Variants in GRIK1 observed in about 807,000 individuals in gnomAD.
The protein encoded by GRIK1 is glutamate receptor ionotropic, kainate 1.
GRIK1 carries 69 observed loss-of-function variants against 105.7 expected under a neutral mutation model. The ratio of observed to expected loss-of-function variants is 0.65; its 90% CI spans 0.54 to 0.80. The LOEUF (loss-of-function observed/expected upper bound fraction) is 0.80. Ranked by LOEUF, GRIK1 falls within the 30% of genes least tolerant of loss-of-function variation. GRIK1 has a pLI of 0.00. For synonymous variants in GRIK1, 438 were observed against 431.3 expected, an observed-to-expected ratio of 1.02 and a Z score of -0.19; for missense variants, 1,109 against 1,167.3, an observed-to-expected ratio of 0.95 and a Z score of 0.73.
chr21:29,770,785 T>C (rs905656855), intron 1 of GRIK1, among the ~76,000 whole-genome samples: 3 of 152,220 alleles, frequency 2.0e-5, no homozygotes, highest in African/African-American at 7.2e-5. Flanking sequence ...AAAACGCTGG[T>C]CTCAAAATGC....
At chr21:29,575,665 C>G (rs150774951) in intron 14 of GRIK1, among the ~76,000 whole-genome samples, 7,713 of 152,054 alleles carry the variant, frequency 0.051, 241 homozygotes, top group Admixed American at 0.12. Context: ...AACCCTGTCT[C>G]TACTAAAAAT....
chr21:29,772,680 C>T (rs1296542481), intron 1 of GRIK1, among the ~76,000 whole-genome samples: 3 of 151,962 alleles, frequency 2.0e-5, no homozygotes, highest in Admixed American at 6.5e-5. Context: ...TGTAAATTTG[C>T]GTATGTGAAA....
chr21:29,613,487 C>T (rs1779188966), intron 7 of GRIK1, among the ~76,000 whole-genome samples: 1 of 152,190 alleles, frequency 6.6e-6, no homozygotes, highest in South Asian at 2.1e-4. Flanking sequence ...AGATCTTTGT[C>T]TGATACTCAT....
chr21:29,772,824 C>T (rs751581112), intron 1 of GRIK1, among the ~76,000 whole-genome samples: 151 of 152,174 alleles, frequency 9.9e-4, no homozygotes, highest in Non-Finnish European at 1.8e-3. Context: ...GGGTTAATTA[C>T]GCATATGATA....
At chr21:29,793,368 C>G (rs775350004) in intron 1 of GRIK1, among the ~76,000 whole-genome samples, 4 of 152,162 alleles carry the variant, frequency 2.6e-5, no homozygotes, top group Non-Finnish European at 5.9e-5. Context: ...CCCCAAGTCC[C>G]ATAGTGCCTA....
intron 1 of GRIK1, among the ~76,000 whole-genome samples, chr21:29,722,808 C>T (rs1292133799): frequency 6.6e-6 from 1 of 151,944 alleles, no homozygotes; most frequent in Non-Finnish European, 1.5e-5. Context: ...ACGCTACAAC[C>T]ACATAAGAAG....
rs74539455 is a variant in GRIK1, at chr21:29,693,405, T to A, written c.286+491A>T. Among the ~76,000 whole-genome samples, 1,317 of 152,302 alleles carry A rather than the reference T, an allele frequency of 8.6e-3. 19 individuals are homozygous for A. The highest frequency in any genetic ancestry group is 0.031 in the African/African-American group (1,268 of 41,560). On this transcript the variant is annotated intron_variant, in intron 2 of 17. Transcript: ENST00000327783. ...GTAGACATTGCTCTCACAGGTTTAA[T>A]CTTCATATTTCTATGATTTTGTGGA...
chr21:29,742,313 A>G lies in GRIK1; in HGVS notation c.119-48250T>C, dbSNP rs966350777. Among the ~76,000 whole-genome samples the G allele has an allele frequency of 2.6e-5, 4 of 152,322 alleles. No individual in the cohort carries two copies. In the East Asian group the frequency reaches 7.7e-4, roughly 29 times the overall value. ...TCATGTTTTTATTAGAAATACATTA[A>G]ATGCAAAATTAAGTAGAAAGAGAGA... is the stretch of plus-strand genomic sequence containing the variant. On this transcript the variant is annotated intron_variant, in intron 1 of 17. Transcript: ENST00000327783.
rs1181792885 is a variant in GRIK1, at chr21:29,560,422, TTTC to T, written c.2356+1199_2356+1201del. 6.9e-5 allele frequency among the ~76,000 whole-genome samples: 9 copies of T among 130,684 alleles called. 1 individual carries two copies. Among genetic ancestry groups the T allele is most frequent in the African/African-American group, 3.0e-4 (9 of 30,470 alleles). 85.7% of individuals were successfully genotyped at this position (130,684 alleles called of 152,430 possible). A position where few individuals can be genotyped will look rare whatever the true frequency, so the allele number is the denominator to read the frequency against. On this transcript the variant is annotated intron_variant, in intron 15 of 17. Transcript: ENST00000327783. The stretch of plus-strand genomic sequence containing the variant: ...CTTCCTTTCTTTCTTTCTTTCTTTC[TTTC>T]TTTCTTTCTTTCTTTTTCTTTCTCC...
chr21:29,736,789 T>A (rs1419168676), intron 1 of GRIK1, among the ~76,000 whole-genome samples: 1 of 151,644 alleles, frequency 6.6e-6, no homozygotes, highest in African/African-American at 2.4e-5. Flanking sequence ...GCAATTCTCC[T>A]GCCTCAGTCT....
intron 7 of GRIK1, among the ~76,000 whole-genome samples, chr21:29,606,166 A>G (rs2061611339): frequency 6.6e-6 from 1 of 152,170 alleles, no homozygotes; most frequent in African/African-American, 2.4e-5. Flanking sequence ...GTGAAATTAC[A>G]TGTTAATTTA....
chr21:29,537,419 T>C (rs2089897337), intron 17 of GRIK1, 34 bp from the exon 18 acceptor site: 1 of 1,574,440 alleles, frequency 6.4e-7, no homozygotes, highest in South Asian at 1.2e-5. Context: ...ATCAGCTTAA[T>C]TAAGCCTATC....
At chr21:29,684,383 T>C (rs2063446051) in intron 3 of GRIK1, among the ~76,000 whole-genome samples, 1 of 152,224 alleles carries the variant, frequency 6.6e-6, no homozygotes, top group African/African-American at 2.4e-5. Context: ...ATCATCTACC[T>C]ATCATCTATC....
intron 1 of GRIK1, among the ~76,000 whole-genome samples, chr21:29,824,290 A>G (rs1414653869): frequency 1.3e-5 from 2 of 151,956 alleles, no homozygotes; most frequent in Admixed American, 6.6e-5. Flanking sequence ...TCTGTTTACC[A>G]TTCATTCACT....
intron 1 of GRIK1, among the ~76,000 whole-genome samples, chr21:29,762,084 G>A (rs1202674528): frequency 6.6e-6 from 1 of 152,190 alleles, no homozygotes; most frequent in Non-Finnish European, 1.5e-5. Flanking sequence ...GTAAAGCTGT[G>A]CAGTACAGTA....
intron 6 of GRIK1, among the ~76,000 whole-genome samples, chr21:29,645,233 A>G (rs2062593874): frequency 6.6e-6 from 1 of 152,194 alleles, no homozygotes; most frequent in African/African-American, 2.4e-5. Context: ...ACTTGCCTAA[A>G]ATTTTGTAGA....
intron 7 of GRIK1, among the ~76,000 whole-genome samples, chr21:29,628,894 A>G (rs1037519326): frequency 4.6e-5 from 7 of 152,188 alleles, no homozygotes; most frequent in Admixed American, 2.0e-4. Flanking sequence ...ATCTATGAAG[A>G]TGAACAATGG....
intron 1 of GRIK1, among the ~76,000 whole-genome samples, chr21:29,891,195 T>TC (rs2069884137): frequency 6.6e-6 from 1 of 152,188 alleles, no homozygotes; most frequent in Non-Finnish European, 1.5e-5. Context: ...TGTTTGATCA[T>TC]CCCTTGTGTG....
At chr21:29,935,362 C>A (rs2071712016) in intron 1 of GRIK1, among the ~76,000 whole-genome samples, 1 of 152,172 alleles carries the variant, frequency 6.6e-6, no homozygotes, top group African/African-American at 2.4e-5. Flanking sequence ...CACTGTTGTA[C>A]ATCCTGCAAT....
Sources: gnomAD v4.1 joint callset for allele counts (sites outside exome capture counted in the v4.1 genomes callset) on GRCh38, gnomAD v4.1.1 for gene constraint, MANE v1.5 for transcripts, NCBI Gene and HGNC (gene_info 2026-07-23, HGNC 2026-07-21) for gene names.